Variants in AGXT observed in about 807,000 individuals in gnomAD.
AGXT encodes the protein alanine--glyoxylate aminotransferase.
In AGXT, 41 loss-of-function variants were observed where a neutral mutation model predicts 46.9. The ratio of observed to expected loss-of-function variants is 0.88; its 90% CI spans 0.68 to 1.14. AGXT has a LOEUF of 1.14. AGXT is among the 50% of genes most tolerant of loss of function. AGXT has a pLI of 0.00. For missense variants in AGXT, 525 were observed against 522.7 expected (o/e 1.00, Z -0.04); for synonymous variants, 244 against 227.9 (o/e 1.07, Z -0.64).
At chr2:240,869,456 G>A (rs1004793381) in intron 2 of AGXT, 94 bp downstream of exon 2, 2 of 1,398,164 alleles carry the variant, frequency 1.4e-6, no homozygotes, top group African/African-American at 2.9e-5. Context: ...CCCGTTCCTG[G>A]GTGAGCGCTT....
At chr2:240,871,512 G>T in intron 4 of AGXT, 63 bp downstream of exon 4, 2 of 1,449,910 alleles carry the variant, frequency 1.4e-6, no homozygotes, top group East Asian at 4.9e-5. Flanking sequence ...GGGGAGGGGT[G>T]GGCACTGGTC....
chr2:240,877,555 C>A lies in AGXT; in HGVS notation c.865C>A (p.Arg289Ser), dbSNP rs180177290. The A allele has an allele frequency of 6.5e-7, 1 of 1,549,708 alleles. No homozygotes were observed. The highest frequency in any genetic ancestry group is 1.2e-5 in the South Asian group (1 of 83,900). The change falls in exon 9 of 11, where the codon CGC (arginine) becomes AGC (serine). Residue 289 changes from arginine to serine, a missense_variant. Transcript: ENST00000307503. ...IAEQGLENSW[R>S]QHREAAAYLH... ...CACACAGGGCCTGGAGAACAGCTGG[C>A]GCCAGCACCGCGAGGCCGCGGCGTA...
At chr2:240,874,416 C>T (rs1231057331) in intron 6 of AGXT, among the ~76,000 whole-genome samples, 1 of 152,204 alleles carries the variant, frequency 6.6e-6, no homozygotes, top group Admixed American at 6.5e-5. Flanking sequence ...ACAACGTGGG[C>T]CACACACAGT....
At position 240,873,063 on chromosome 2, in the gene AGXT, C is replaced by A; in HGVS notation, c.595+14C>A. Reference sequence around the variant, plus strand: ...TGGACCGGCAAGGTAAGGGTGGGCTCTGAGAGCCCTACCCAGCCCAAGCAG... The same window carrying A: ...TGGACCGGCAAGGTAAGGGTGGGCTATGAGAGCCCTACCCAGCCCAAGCAG... On this transcript the variant is annotated intron_variant, in intron 5 of 10. Coordinates refer to ENST00000307503, the MANE Select transcript of AGXT (RefSeq NM_000030.3). 6.2e-7 allele frequency: 1 copy of A among 1,611,906 alleles called. No homozygotes were observed.
At chr2:240,877,982 G>A (rs2059036945) in intron 9 of AGXT, 40 bp from the exon 10 acceptor site, 2 of 1,605,464 alleles carry the variant, frequency 1.2e-6, no homozygotes, top group African/African-American at 1.3e-5. Flanking sequence ...GGCCCGTACA[G>A]GGCCTCTCAC....
At position 240,868,919 on chromosome 2, in the gene AGXT, C is replaced by T. The variant is rs1057288575; in HGVS notation, c.54C>T (p.Leu18=). The change falls in exon 1 of 11, where the codon CTC becomes CTT. Residue 18 remains leucine, a synonymous_variant. Coordinates refer to ENST00000307503, the MANE Select transcript of AGXT (RefSeq NM_000030.3). The part of the protein sequence containing the change: ...VTPPKALLKP[L]SIPNQLLLGP... Reference sequence around the variant, plus strand: ...CCCCCAAGGCCCTGCTCAAGCCCCTCTCCATCCCCAACCAGCTCCTGCTGG... The same window carrying T: ...CCCCCAAGGCCCTGCTCAAGCCCCTTTCCATCCCCAACCAGCTCCTGCTGG... The T allele has an allele frequency of 2.5e-6, 4 of 1,613,340 alleles. No individual in the cohort carries two copies. The highest frequency in any genetic ancestry group is 3.4e-6 in the Non-Finnish European group (4 of 1,180,010).
At chr2:240,875,040 C>T in intron 6 of AGXT, 69 bp from the exon 7 acceptor site, 1 of 1,370,904 alleles carries the variant, frequency 7.3e-7, no homozygotes, top group Non-Finnish European at 1.0e-6. Context: ...AACAGGACAG[C>T]CAGCGAGACT....
chr2:240,873,198 G>A, intron 5 of AGXT, 149 bp downstream of exon 5: 1 of 661,062 alleles, frequency 1.5e-6, no homozygotes, highest in Non-Finnish European at 2.6e-6. Context: ...ACTCCTTACT[G>A]CGGCAAGAGC....
intron 5 of AGXT, 119 bp from the exon 6 acceptor site, chr2:240,873,859 C>T (rs773658817): frequency 4.7e-5 from 43 of 910,882 alleles, no homozygotes; most frequent in Non-Finnish European, 7.0e-5. Flanking sequence ...CCCCTGCTAT[C>T]GTGTACGGAT....
rs147109132 is a variant in AGXT at position 240,877,577 on chromosome 2, C to T, written c.887C>T (p.Ala296Val). 1.0e-4 allele frequency: 156 copies of T among 1,550,746 alleles called. No individual in the cohort carries two copies. Among genetic ancestry groups the T allele is most frequent in the Non-Finnish European group, 1.2e-4 (143 of 1,146,926 alleles). Residue 296 changes from alanine (A) to valine (V), a missense_variant, in exon 9 of 11, where the codon GCG becomes GTG. Transcript: ENST00000307503. ...NSWRQHREAA[A>V]YLHGRLQALG... ...TGGCGCCAGCACCGCGAGGCCGCGGCGTATCTGCATGGGCGCCTGCAGGCA... is the reference window on the plus strand; with the variant it reads ...TGGCGCCAGCACCGCGAGGCCGCGGTGTATCTGCATGGGCGCCTGCAGGCA...
intron 6 of AGXT, 104 bp from the exon 7 acceptor site, chr2:240,875,005 G>A (rs2059015446): frequency 9.2e-7 from 1 of 1,088,902 alleles, no homozygotes; most frequent in Non-Finnish European, 1.4e-6. Flanking sequence ...CCTCCTGGGG[G>A]CCCCACCCCG....
Position 240,878,870 on chromosome 2 carries a change from C to T in AGXT, c.*49C>T, listed in dbSNP as rs1001223664. ...CACTGGCACACACCTGTCCCATGCCCACCCTGAGGGATCAGGAGCAAACAG... is the reference window on the plus strand; with the variant it reads ...CACTGGCACACACCTGTCCCATGCCTACCCTGAGGGATCAGGAGCAAACAG... On this transcript the variant is annotated 3_prime_UTR_variant, in exon 11 of 11. Transcript: ENST00000307503. 7.3e-6 allele frequency: 11 copies of T among 1,506,796 alleles called. No individual in the cohort carries two copies. The highest frequency in any genetic ancestry group is 1.4e-5 in the African/African-American group (1 of 72,836). The allele number at this position is 1,506,796 out of a possible 1,614,324, so 93.3% of individuals were successfully genotyped here.
Position 240,871,377 on chromosome 2 carries a change from T to C in AGXT, c.452T>C (p.Leu151Pro). The change falls in exon 4 of 11, where the codon CTG (leucine) becomes CCG (proline). Residue 151 changes from leucine to proline, a missense_variant. By Grantham distance (98) the Leu-to-Pro change is moderately conservative (BLOSUM62 -3). Coordinates refer to ENST00000307503, the MANE Select transcript of AGXT (RefSeq NM_000030.3). ...CTGGCCCAGCACAAGCCAGTGCTGC[T>C]GTTCTTAACCCACGGGGAGTCGTCC... ...EGLAQHKPVL[L>P]FLTHGESSTG... 6.3e-7 allele frequency: 1 copy of C among 1,596,562 alleles called. No individual in the cohort carries two copies. Among genetic ancestry groups the C allele is most frequent in the Non-Finnish European group, 8.5e-7 (1 of 1,172,174 alleles).
chr2:240,875,302 C>G (rs1032699602), intron 7 of AGXT, 98 bp downstream of exon 7: 3 of 1,046,802 alleles, frequency 2.9e-6, no homozygotes, highest in Non-Finnish European at 4.3e-6. Flanking sequence ...CCAAGCCCCC[C>G]ACCTTCATGC....
Position 240,872,602 on chromosome 2 carries a change from C to G in AGXT, c.525-377C>G, listed in dbSNP as rs572815649. Among the ~76,000 whole-genome samples the G allele has an allele frequency of 1.2e-4, 18 of 152,180 alleles. No individual in the cohort carries two copies. In the South Asian group the frequency reaches 2.1e-3, roughly 18 times the overall value. On this transcript the variant is annotated intron_variant, in intron 4 of 10. Transcript: ENST00000307503. ...CAGCTGTTGGCAGAGGTAGGCCCAG[C>G]CTGGTGCCACCCTGGTCCCTGGGGT...
chr2:240,876,989 C>G, intron 8 of AGXT: 1 of 244,268 alleles, frequency 4.1e-6, no homozygotes, highest in South Asian at 5.1e-5. Flanking sequence ...GCTGCTGCTC[C>G]GGGGACCCAC....
In AGXT at chr2:240,869,469, C is replaced by T. The variant is rs1559568113; in HGVS notation, c.358+107C>T. The T allele has an allele frequency of 2.2e-6, 3 of 1,334,084 alleles. No homozygotes were observed. In the East Asian group the frequency reaches 7.4e-5, roughly 33 times the overall value. 82.6% of individuals were successfully genotyped at this position (1,334,084 alleles called of 1,614,324 possible). On this transcript the variant is annotated intron_variant, in intron 2 of 10. Coordinates refer to ENST00000307503, the MANE Select transcript of AGXT (RefSeq NM_000030.3). ...CCCCCGTTCCTGGGTGAGCGCTTAC[C>T]CACCTTGTGGCCCTGTGCGCACGAA...
rs1180177194 is a variant in AGXT at position 240,880,298 on chromosome 2, T to C, written c.*1477T>C. ...ACCCACACTCCATGTTGTCTTTTTTTGCTAGGGGGTGTAAAATCCTGTCTG... is the reference window on the plus strand; with the variant it reads ...ACCCACACTCCATGTTGTCTTTTTTCGCTAGGGGGTGTAAAATCCTGTCTG... On this transcript the variant is annotated 3_prime_UTR_variant, in exon 11 of 11. Transcript: ENST00000307503. 1 of 152,212 alleles carries C rather than the reference T, an allele frequency of 6.6e-6. No homozygotes were observed. The highest frequency in any genetic ancestry group is 2.4e-5 in the African/African-American group (1 of 41,440). The allele number at this position is 152,212 out of a possible 1,614,324, so 9.4% of individuals were successfully genotyped here. A position where few individuals can be genotyped will look rare whatever the true frequency, so the allele number is the denominator to read the frequency against.
Position 240,875,214 on chromosome 2 carries a change from G to T in AGXT, c.776+10G>T. ...ACGACCAGCCCAGGATGTGAGGCCT[G>T]GCAGGGATGGGAAGGTGGAGGGCGC... On this transcript the variant is annotated intron_variant, in intron 7 of 10. Transcript: ENST00000307503. The T allele has an allele frequency of 6.2e-7, 1 of 1,605,228 alleles. No individual in the cohort carries two copies. The highest frequency in any genetic ancestry group is 8.5e-7 in the Non-Finnish European group (1 of 1,172,042).
Sources: allele counts gnomAD v4.1 joint callset (sites outside exome capture counted in the v4.1 genomes callset), GRCh38; gene constraint gnomAD v4.1.1; transcripts MANE v1.5; gene names NCBI Gene and HGNC (gene_info 2026-07-23, HGNC 2026-07-21).